The following RFX7 variants were observed in gnomAD, a reference collection of about 807,000 sequenced individuals.
RFX7 encodes the protein DNA-binding protein RFX7.
RFX7 carries 26 observed loss-of-function variants against 111.8 expected under a neutral mutation model. The ratio of observed to expected loss-of-function variants is 0.23; its 90% CI spans 0.17 to 0.32. The LOEUF is 0.32. Ranked by LOEUF, RFX7 falls within the 10% of genes least tolerant of loss-of-function variation. The probability of loss-of-function intolerance (pLI) is 1.00; values close to 1 mark genes in which losing one functional copy is unlikely to be tolerated. For missense variants in RFX7, 1,573 were observed against 1,772.9 expected (o/e 0.89, Z 2.02); for synonymous variants, 624 against 624.4 (o/e 1.00, Z 0.01).
chr15:56,180,435 G>A (rs1025114640), intron 2 of RFX7, among the ~76,000 whole-genome samples: 2 of 152,104 alleles, frequency 1.3e-5, no homozygotes, highest in Non-Finnish European at 2.9e-5. Flanking sequence ...AGATTTTTAG[G>A]TTTTAAAATC....
chr15:56,123,072 C>T (rs1404881388), intron 5 of RFX7, among the ~76,000 whole-genome samples: 1 of 152,140 alleles, frequency 6.6e-6, no homozygotes, highest in African/African-American at 2.4e-5. Flanking sequence ...GGGCTGGCAC[C>T]TAAGCAGCAA....
intron 5 of RFX7, among the ~76,000 whole-genome samples, chr15:56,120,968 G>T (rs2140966292): frequency 6.6e-6 from 1 of 152,248 alleles, no homozygotes; most frequent in South Asian, 2.1e-4. Context: ...AAGTTGTGTA[G>T]TTATTGTTTT....
intron 2 of RFX7, among the ~76,000 whole-genome samples, chr15:56,213,727 G>T (rs141294121): frequency 1.6e-3 from 240 of 152,226 alleles, no homozygotes; most frequent in East Asian, 2.9e-3. Context: ...CTTATGACTA[G>T]ATGTGAACCA....
At chr15:56,241,579 T>C (rs2043689711) in intron 2 of RFX7, among the ~76,000 whole-genome samples, 1 of 152,154 alleles carries the variant, frequency 6.6e-6, no homozygotes. Context: ...GTCACGTTAC[T>C]AGAGGTTAAA....
intron 5 of RFX7, among the ~76,000 whole-genome samples, chr15:56,117,695 C>G (rs954159256): frequency 6.6e-6 from 1 of 152,118 alleles, no homozygotes; most frequent in African/African-American, 2.4e-5. Flanking sequence ...GAACTTTTAT[C>G]AACTTCCACA....
intron 2 of RFX7, among the ~76,000 whole-genome samples, chr15:56,221,378 T>G (rs1596019187): frequency 6.6e-6 from 1 of 152,206 alleles, no homozygotes; most frequent in Non-Finnish European, 1.5e-5. Flanking sequence ...ATTCTTGTTG[T>G]ACAGATCTTT....
chr15:56,112,388 A>G, intron 5 of RFX7, among the ~76,000 whole-genome samples: 1 of 150,042 alleles, frequency 6.7e-6, no homozygotes, highest in Non-Finnish European at 1.5e-5. Context: ...TCAAAAAAAA[A>G]AAAAAAAAAA....
intron 8 of RFX7, among the ~76,000 whole-genome samples, chr15:56,099,212 GGAA>G (rs2041720686): frequency 6.6e-6 from 1 of 151,992 alleles, no homozygotes; most frequent in South Asian, 2.1e-4. Flanking sequence ...AGAAAGGAGA[GGAA>G]CAACTATCCT....
Position 56,173,111 on chromosome 15 carries a change from T to G in RFX7, c.195+6159A>C, listed in dbSNP as rs1210349809. ...GCAGAGCTAAAGAGAAGGAGGTTAG[T>G]GTTCGAGGTGGCAAAGAATCATATG... is the stretch of plus-strand genomic sequence containing the variant. On this transcript the variant is annotated intron_variant, in intron 3 of 9. Transcript: ENST00000559447. Among the ~76,000 whole-genome samples, 3 of 152,272 alleles carry G rather than the reference T, an allele frequency of 2.0e-5. No homozygotes were observed. In the East Asian group the frequency reaches 5.8e-4, roughly 29 times the overall value.
At chr15:56,139,816 G>T (rs2042362360) in intron 5 of RFX7, among the ~76,000 whole-genome samples, 2 of 152,252 alleles carry the variant, frequency 1.3e-5, no homozygotes, top group African/African-American at 2.4e-5. Flanking sequence ...CTTTCTGTTT[G>T]TTAGTTTTCC....
At chr15:56,150,252 C>G (rs545698540) in intron 3 of RFX7, among the ~76,000 whole-genome samples, 1 of 152,194 alleles carries the variant, frequency 6.6e-6, no homozygotes. Flanking sequence ...CTTAAACATC[C>G]CTGCCTGATG....
intron 3 of RFX7, among the ~76,000 whole-genome samples, chr15:56,164,709 A>AT (rs1184671179): frequency 6.6e-6 from 1 of 151,706 alleles, no homozygotes; most frequent in Non-Finnish European, 1.5e-5. Context: ...CTCTGCCGCG[A>AT]TTTTTTTTCT....
At chr15:56,180,669 G>T (rs999003901) in intron 2 of RFX7, among the ~76,000 whole-genome samples, 1 of 151,428 alleles carries the variant, frequency 6.6e-6, no homozygotes, top group Non-Finnish European at 1.5e-5. Context: ...ACTTTGGGAG[G>T]CAGAGGCAGG....
chr15:56,095,221 T>C lies in RFX7; in HGVS notation c.2507A>G (p.His836Arg), dbSNP rs533623334. The C allele has an allele frequency of 1.9e-5, 31 of 1,613,912 alleles. No individual in the cohort carries two copies. The South Asian group carries it at 3.0e-4, about 15-fold the overall frequency. Reference protein sequence around the residue: ...MPQDTYSQQLHSQIQESSLNQ... With the variant: ...MPQDTYSQQLRSQIQESSLNQ... ...TAAAGAAGATTCCTGTATCTGGCTATGTAGCTGCTGGCTATATGTGTCCTG... is the reference window on the plus strand; with the variant it reads ...TAAAGAAGATTCCTGTATCTGGCTACGTAGCTGCTGGCTATATGTGTCCTG... The change falls in exon 10 of 10, where the codon CAT becomes CGT. Residue 836 changes from histidine to arginine, a missense_variant. His to Arg is a conservative substitution (Grantham distance 29, BLOSUM62 0). Coordinates refer to ENST00000559447, the MANE Select transcript of RFX7 (RefSeq NM_022841.7).
intron 2 of RFX7, among the ~76,000 whole-genome samples, chr15:56,186,305 T>A (rs2043037204): frequency 6.6e-6 from 1 of 152,194 alleles, no homozygotes; most frequent in African/African-American, 2.4e-5. Context: ...GACATTCCTA[T>A]GAACATTAAG....
intron 4 of RFX7, 55 bp downstream of exon 4, chr15:56,144,346 T>C (rs913975696): frequency 3.0e-6 from 3 of 998,858 alleles, no homozygotes; most frequent in Non-Finnish European, 4.3e-6. Flanking sequence ...CTCACATATA[T>C]CCTAGGGACA....
intron 2 of RFX7, among the ~76,000 whole-genome samples, chr15:56,229,475 C>T (rs1243903389): frequency 2.0e-5 from 3 of 152,130 alleles, no homozygotes; most frequent in African/African-American, 7.2e-5. Flanking sequence ...CCGTGTTAGC[C>T]AGGATGATCT....
chr15:56,175,474 T>C (rs1202159311), intron 3 of RFX7, among the ~76,000 whole-genome samples: 1 of 152,178 alleles, frequency 6.6e-6, no homozygotes, highest in African/African-American at 2.4e-5. Context: ...GAACCATTTA[T>C]ATATCTGATA....
intron 5 of RFX7, among the ~76,000 whole-genome samples, chr15:56,135,494 C>A (rs2042287519): frequency 6.6e-6 from 1 of 151,858 alleles, no homozygotes. Context: ...TGTTTGAGTT[C>A]ATTGTAGATT....
Sources: gnomAD v4.1 joint callset for allele counts (sites outside exome capture counted in the v4.1 genomes callset) on GRCh38, gnomAD v4.1.1 for gene constraint, MANE v1.5 for transcripts, NCBI Gene and HGNC (gene_info 2026-07-23, HGNC 2026-07-21) for gene names.